TGIF1: variants seen among roughly 807,000 people sequenced by gnomAD.
TGIF1 encodes homeobox protein TGIF1.
A neutral mutation model predicts 19.3 loss-of-function variants in TGIF1; 4 were observed. The observed-to-expected ratio is 0.21, with a 90% CI of 0.10 to 0.47. The LOEUF is 0.47. Ranked by LOEUF, TGIF1 falls within the 20% of genes least tolerant of loss-of-function variation. TGIF1 has a pLI of 0.98. For synonymous variants in TGIF1, 122 were observed against 129.3 expected (o/e 0.94, Z 0.38); for missense variants, 275 against 341.4 (o/e 0.81, Z 1.53).
chr18:3,446,871 A>G (rs2082754657), upstream of TGIF1, among the ~76,000 whole-genome samples: 1 of 152,338 alleles, frequency 6.6e-6, no homozygotes, highest in African/African-American at 2.4e-5. Flanking sequence ...AAGAGATCCA[A>G]TGACTGGGTG....
chr18:3,422,686 T>TTG (rs1568029495), intron 2 of TGIF1, among the ~76,000 whole-genome samples: 33 of 118,872 alleles, frequency 2.8e-4, no homozygotes, highest in Non-Finnish European at 5.0e-4. Flanking sequence ...TTTTTTTTTT[T>TTG]TTTTTTTTTT....
chr18:3,456,850 C>T lies in TGIF1; in HGVS notation c.243+270C>T. On this transcript the variant is annotated intron_variant, in intron 2 of 2. Coordinates refer to ENST00000343820, the MANE Select transcript of TGIF1 (RefSeq NM_003244.4). The surrounding 1 kb of genome is among the most constrained non-coding windows in gnomAD (Gnocchi z 4.2). Reference sequence around the variant, plus strand: ...CATTAAAAGGAGGTTAAACCTTACTCTATTGTCCAGGAAACTGGTTTGATA... The same window carrying T: ...CATTAAAAGGAGGTTAAACCTTACTTTATTGTCCAGGAAACTGGTTTGATA... 1 of 610,932 alleles carries T rather than the reference C, an allele frequency of 1.6e-6. No homozygotes were observed. Among genetic ancestry groups the T allele is most frequent in the Non-Finnish European group, 2.9e-6 (1 of 346,060 alleles). The allele number at this position is 610,932 out of a possible 1,614,324, so 37.8% of individuals were successfully genotyped here.
At chr18:3,446,759 C>G (rs1383048446), upstream of TGIF1, among the ~76,000 whole-genome samples, 1 of 152,134 alleles carries the variant, frequency 6.6e-6, no homozygotes, top group Non-Finnish European at 1.5e-5. Context: ...GACCCTCTGA[C>G]CTGAGATGTG....
At chr18:3,427,546 C>G (rs967647700) in intron 2 of TGIF1, among the ~76,000 whole-genome samples, 2 of 151,766 alleles carry the variant, frequency 1.3e-5, no homozygotes, top group Non-Finnish European at 2.9e-5. Flanking sequence ...CTGCCTCAGC[C>G]TCCCAGAGTG....
At chr18:3,452,538 T>A (rs181700196) in intron 1 of TGIF1, among the ~76,000 whole-genome samples, 1 of 152,264 alleles carries the variant, frequency 6.6e-6, no homozygotes, top group African/African-American at 2.4e-5. Context: ...ACGGCCTCAT[T>A]TCTAGTTTCT....
At chr18:3,436,885 A>C (rs1277039810) in intron 2 of TGIF1, among the ~76,000 whole-genome samples, 2 of 151,694 alleles carry the variant, frequency 1.3e-5, no homozygotes, top group African/African-American at 4.8e-5. Context: ...TGGGTGGATC[A>C]TTCCAGGTCA....
chr18:3,443,947 T>C (rs2082707080), intron 2 of TGIF1, among the ~76,000 whole-genome samples: 4 of 151,594 alleles, frequency 2.6e-5, no homozygotes, highest in Non-Finnish European at 5.9e-5. Flanking sequence ...TTTTTTTTTT[T>C]TTTTTGAGAC....
chr18:3,414,357 A>T (rs1031201139), intron 1 of TGIF1, among the ~76,000 whole-genome samples: 1 of 152,182 alleles, frequency 6.6e-6, no homozygotes, highest in Non-Finnish European at 1.5e-5. Flanking sequence ...TCTCATTTAC[A>T]CAACTAATTC....
upstream of TGIF1, chr18:3,448,402 A>G: frequency 9.9e-7 from 1 of 1,008,776 alleles, no homozygotes; most frequent in Non-Finnish European, 1.2e-6. Context: ...TCCCTGCGCC[A>G]CATCTGTCCC....
upstream of TGIF1, chr18:3,447,685 A>G: frequency 6.2e-7 from 1 of 1,605,170 alleles, no homozygotes; most frequent in Non-Finnish European, 8.5e-7. Context: ...ACATCACAGA[A>G]TTGTGCCAGT....
rs115295609 is a variant in TGIF1, at chr18:3,456,122, A to G, written c.17-232A>G. ...GGAATGTGAGAAGTTAATGAATCCT[A>G]GAGGAAAGCGGCTGAGAAAAGGCAT... On this transcript the variant is annotated intron_variant, in intron 1 of 2. Coordinates refer to ENST00000343820, the MANE Select transcript of TGIF1 (RefSeq NM_003244.4). This position sits in a 1 kb window ranked among gnomAD's most constrained non-coding sequence, Gnocchi z 4.2. 1.3e-3 allele frequency: 749 copies of G among 597,014 alleles called. 5 individuals carry two copies. The highest frequency in any genetic ancestry group is 0.011 in the African/African-American group (612 of 54,266). 37.0% of individuals were successfully genotyped at this position (597,014 alleles called of 1,614,324 possible). A position where few individuals can be genotyped will look rare whatever the true frequency, so the allele number is the denominator to read the frequency against.
chr18:3,459,112 T>C lies in TGIF1; in HGVS notation c.*1172T>C, dbSNP rs1324689176. 6.6e-6 allele frequency: 1 copy of C among 152,170 alleles called. No homozygotes were observed. Among genetic ancestry groups the C allele is most frequent in the Non-Finnish European group, 1.5e-5 (1 of 68,022 alleles). The allele number at this position is 152,170 out of a possible 1,614,324, so 9.4% of individuals were successfully genotyped here. A position where few individuals can be genotyped will look rare whatever the true frequency, so the allele number is the denominator to read the frequency against. ...GGTGTTGCTCCTTTCACTTGTATGG[T>C]TGAGCAGATTTGTCACATGCCACAA... On this transcript the variant is annotated 3_prime_UTR_variant, in exon 3 of 3. Coordinates refer to ENST00000343820, the MANE Select transcript of TGIF1 (RefSeq NM_003244.4).
At chr18:3,447,357 A>G (rs1487144492), upstream of TGIF1, among the ~76,000 whole-genome samples, 1 of 149,464 alleles carries the variant, frequency 6.7e-6, no homozygotes, top group Non-Finnish European at 1.5e-5. Context: ...AAAAAAAAGC[A>G]CTGGAAAGAA....
rs547591380 is a variant in TGIF1, at chr18:3,425,116, C to G, written c.-45+6901C>G. On this transcript the variant is annotated intron_variant, in intron 2 of 3. Coordinates refer to the TGIF1 transcript ENST00000401449. ...GTCTTGTGGGACTGAACTCTCAACC[C>G]GTGAGGTTTGATGCTACCTTCAGGT... 4.6e-5 allele frequency among the ~76,000 whole-genome samples: 7 copies of G among 152,272 alleles called. No homozygotes were observed. In the South Asian group the frequency reaches 1.5e-3, roughly 32 times the overall value.
upstream of TGIF1, among the ~76,000 whole-genome samples, chr18:3,445,754 G>T (rs995453697): frequency 4.0e-5 from 1 of 24,792 alleles, no homozygotes; most frequent in Non-Finnish European, 6.8e-5. Flanking sequence ...AAAAAAAAAA[G>T]AGAAGAAAAG....
intron 2 of TGIF1, among the ~76,000 whole-genome samples, chr18:3,436,880 G>A (rs2082620843): frequency 6.6e-6 from 1 of 151,728 alleles, no homozygotes; most frequent in Admixed American, 6.6e-5. Flanking sequence ...CGAGGTGGGT[G>A]GATCATTCCA....
Position 3,450,339 on chromosome 18 carries a change from C to A in TGIF1, c.-151C>A. On this transcript the variant is annotated 5_prime_UTR_variant, in exon 1 of 3. Transcript: ENST00000343820. ...CACCCAAGGAGCGGGCGCCTGGGATCAGAGCGTCCTGTTTAGCAATAACGG... is the reference window on the plus strand; with the variant it reads ...CACCCAAGGAGCGGGCGCCTGGGATAAGAGCGTCCTGTTTAGCAATAACGG... The A allele has an allele frequency of 6.8e-7, 1 of 1,475,608 alleles. No homozygotes were observed. Among genetic ancestry groups the A allele is most frequent in the Non-Finnish European group, 9.0e-7 (1 of 1,109,300 alleles). The allele number at this position is 1,475,608 out of a possible 1,614,324, so 91.4% of individuals were successfully genotyped here.
upstream of TGIF1, chr18:3,447,866 C>T: frequency 1.3e-6 from 2 of 1,584,972 alleles, no homozygotes; most frequent in Non-Finnish European, 1.7e-6. Context: ...CCGCCCCTCC[C>T]CCCTTCTCCT....
intron 1 of TGIF1, chr18:3,452,321 G>T: frequency 6.2e-7 from 1 of 1,613,108 alleles, no homozygotes; most frequent in Non-Finnish European, 8.5e-7. Flanking sequence ...AACTTCCGCG[G>T]TCCCCATCCC....
Sources: allele counts gnomAD v4.1 joint callset (sites outside exome capture counted in the v4.1 genomes callset), GRCh38; gene constraint gnomAD v4.1.1; non-coding constraint Gnocchi (gnomAD v3.1); transcripts MANE v1.5; gene names NCBI Gene and HGNC (gene_info 2026-07-23, HGNC 2026-07-21).